Variants in NRDC observed in about 807,000 individuals in gnomAD.
NRDC encodes nardilysin convertase.
Under a neutral mutation model 147.1 loss-of-function variants are expected in NRDC, and 54 were observed. That is an observed-to-expected ratio of 0.37 (90% CI 0.29 to 0.46). The LOEUF (loss-of-function observed/expected upper bound fraction) is 0.46. Ranked by LOEUF, NRDC falls within the 20% of genes least tolerant of loss-of-function variation. The probability of loss-of-function intolerance (pLI) is 1.00; values close to 1 mark genes in which losing one functional copy is unlikely to be tolerated. For missense variants in NRDC, 1,082 were observed against 1,370.6 expected (o/e 0.79, Z 3.33); for synonymous variants, 440 against 482.1 (o/e 0.91, Z 1.14).
chr1:51,849,432 C>CA (rs973361722), intron 1 of NRDC, among the ~76,000 whole-genome samples: 28 of 150,812 alleles, frequency 1.9e-4, no homozygotes, highest in Non-Finnish European at 3.0e-4. Flanking sequence ...CAAAACAAAA[C>CA]AAAAAAAACC....
intron 29 of NRDC, among the ~76,000 whole-genome samples, chr1:51,790,251 T>C (rs1186821980): frequency 2.0e-5 from 3 of 152,220 alleles, no homozygotes; most frequent in African/African-American, 4.8e-5. Context: ...GGCAAAACTC[T>C]TTTTCTCCAC....
At chr1:51,846,852 T>C (rs1343473385) in intron 1 of NRDC, among the ~76,000 whole-genome samples, 1 of 152,260 alleles carries the variant, frequency 6.6e-6, no homozygotes, top group African/African-American at 2.4e-5. Flanking sequence ...GAGAGCTGAT[T>C]GGTCCATTTT....
chr1:51,795,400 G>A (rs1184902079), intron 22 of NRDC: 5 of 263,182 alleles, frequency 1.9e-5, no homozygotes, highest in Non-Finnish European at 3.7e-5. Flanking sequence ...GTACTTCAAC[G>A]GTGCTCGGAA....
chr1:51,823,297 G>A (rs934040671), intron 7 of NRDC, among the ~76,000 whole-genome samples: 1 of 152,142 alleles, frequency 6.6e-6, no homozygotes, highest in Admixed American at 6.5e-5. Flanking sequence ...ACTTTGCCCT[G>A]TAAGAGTTTG....
At position 51,810,328 on chromosome 1, in the gene NRDC, T is replaced by C. The variant is rs41293259; in HGVS notation, c.1856A>G (p.Lys619Arg). The change falls in exon 16 of 31, where the codon AAA becomes AGA. Residue 619 changes from lysine (K) to arginine (R), a missense_variant. By Grantham distance (26) the Lys-to-Arg change is conservative (BLOSUM62 2). Around this residue, in one of 3 missense-constraint regions of NRDC, gnomAD observed 635 missense variants for 923.8 expected, o/e 0.69. Transcript: ENST00000352171. ...AAACCATTTCTCCTTGAGGTCACATTTTCCCTCATTAGCACCAGACAGTAA... is the reference window on the plus strand; with the variant it reads ...AAACCATTTCTCCTTGAGGTCACATCTTCCCTCATTAGCACCAGACAGTAA... ...LVLLSGANEGKCDLKEKWFGT... is the reference protein window; with the variant it reads ...LVLLSGANEGRCDLKEKWFGT... 4,214 of 1,611,568 alleles carry C rather than the reference T, an allele frequency of 2.6e-3. 15 individuals are homozygous for C. Among genetic ancestry groups the C allele is most frequent in the Non-Finnish European group, 3.4e-3 (3,954 of 1,178,064 alleles).
At chr1:51,822,966 G>C (rs184007672) in intron 7 of NRDC, among the ~76,000 whole-genome samples, 5 of 152,280 alleles carry the variant, frequency 3.3e-5, no homozygotes, top group African/African-American at 1.2e-4. Flanking sequence ...ATTTCAAATA[G>C]AAATGTGCAA....
At chr1:51,848,286 T>C (rs1681756159) in intron 1 of NRDC, among the ~76,000 whole-genome samples, 1 of 152,114 alleles carries the variant, frequency 6.6e-6, no homozygotes, top group Non-Finnish European at 1.5e-5. Context: ...CCATCCTGGC[T>C]AACACAGTGA....
intron 11 of NRDC, among the ~76,000 whole-genome samples, chr1:51,815,125 A>T (rs1161810800): frequency 6.6e-6 from 1 of 152,116 alleles, no homozygotes; most frequent in African/African-American, 2.4e-5. Context: ...TTTTGAAGAG[A>T]ACAGCACAAA....
At chr1:51,814,654 T>A in intron 12 of NRDC, 39 bp downstream of exon 12, 1 of 1,606,312 alleles carries the variant, frequency 6.2e-7, no homozygotes, top group African/African-American at 1.3e-5. Context: ...AAGTGATATC[T>A]ACGTAAAAGG....
chr1:51,865,390 G>A (rs1013378694), intron 1 of NRDC, among the ~76,000 whole-genome samples: 6 of 150,876 alleles, frequency 4.0e-5, no homozygotes, highest in African/African-American at 1.2e-4. Flanking sequence ...TGCAACCTCC[G>A]CCTCCCCGGG....
At chr1:51,874,076 G>A (rs1683211902) in intron 1 of NRDC, among the ~76,000 whole-genome samples, 1 of 149,554 alleles carries the variant, frequency 6.7e-6, no homozygotes, top group Non-Finnish European at 1.5e-5. Flanking sequence ...GGGGCAGGTT[G>A]TGATGGTGCC....
At chr1:51,839,166 T>C (rs7554618) in intron 2 of NRDC, among the ~76,000 whole-genome samples, 28,960 of 148,856 alleles carry the variant, frequency 0.19, 3,730 homozygotes, top group Non-Finnish European at 0.28. Flanking sequence ...TTTTCTTTTT[T>C]TTTTTTTTTT....
At chr1:51,824,511 C>A (rs1395852939) in intron 6 of NRDC, among the ~76,000 whole-genome samples, 1 of 152,098 alleles carries the variant, frequency 6.6e-6, no homozygotes, top group African/African-American at 2.4e-5. Context: ...AAACAAAACA[C>A]CCTTTAAAGA....
chr1:51,795,317 G>A (rs578194486), intron 22 of NRDC: 1 of 819,648 alleles, frequency 1.2e-6, no homozygotes, highest in African/African-American at 1.8e-5. Context: ...GGAGGGATTA[G>A]CTCTTCTCTA....
At chr1:51,869,939 G>T (rs767342425) in intron 1 of NRDC, among the ~76,000 whole-genome samples, 10 of 152,126 alleles carry the variant, frequency 6.6e-5, no homozygotes, top group Non-Finnish European at 1.3e-4. Context: ...GAGATGGAGG[G>T]ATCTCATTTT....
intron 2 of NRDC, chr1:51,837,735 CA>C (rs1681058199): frequency 1.4e-6 from 1 of 730,644 alleles, no homozygotes; most frequent in Non-Finnish European, 1.9e-6. Context: ...CAATGTATAT[CA>C]TATTCAAATT....
intron 4 of NRDC, among the ~76,000 whole-genome samples, chr1:51,828,837 A>C (rs1680572490): frequency 6.6e-6 from 1 of 151,608 alleles, no homozygotes; most frequent in South Asian, 2.1e-4. Flanking sequence ...TCCTGCCTCA[A>C]CCTCCGAAGT....
At chr1:51,841,371 G>C (rs116322240) in intron 1 of NRDC, among the ~76,000 whole-genome samples, 6 of 151,856 alleles carry the variant, frequency 4.0e-5, no homozygotes, top group Non-Finnish European at 7.4e-5. Context: ...GCAGTGGCAC[G>C]ATCTCAGCTC....
chr1:51,837,560 T>C (rs768764407), intron 2 of NRDC: 3 of 1,594,522 alleles, frequency 1.9e-6, no homozygotes, highest in Non-Finnish European at 2.6e-6. Context: ...TTTGAATAAG[T>C]TGACTTAAAC....
Sources: allele counts gnomAD v4.1 joint callset (sites outside exome capture counted in the v4.1 genomes callset), GRCh38; gene constraint gnomAD v4.1.1; regional missense constraint gnomAD v4.1.1; transcripts MANE v1.5; gene names NCBI Gene and HGNC (gene_info 2026-07-23, HGNC 2026-07-21).